The following ZNF808 variants were observed in gnomAD, a reference collection of about 807,000 sequenced individuals.
ZNF808 encodes the protein zinc finger protein 808.
ZNF808 carries 5 observed loss-of-function variants against 8.7 expected under a neutral mutation model. That is an observed-to-expected ratio of 0.58 (90% CI 0.30 to 1.21). ZNF808 has a LOEUF of 1.21. Among genes scored for constraint, ZNF808 ranks in the 50% most tolerant of loss-of-function variants. ZNF808 has a pLI of 0.07. For synonymous variants in ZNF808, 380 were observed against 366.0 expected (o/e 1.04, Z -0.44); for missense variants, 1,103 against 1,098.4 (o/e 1.00, Z -0.06).
chr19:52,557,636 T>C (rs2059842672), downstream of ZNF808, among the ~76,000 whole-genome samples: 1 of 152,246 alleles, frequency 6.6e-6, no homozygotes, highest in African/African-American at 2.4e-5. Flanking sequence ...TTTCACTGTT[T>C]TCAAGGTCAA....
intron 4 of ZNF808, among the ~76,000 whole-genome samples, chr19:52,552,056 C>T (rs538400646): frequency 8.6e-5 from 13 of 150,812 alleles, no homozygotes; most frequent in African/African-American, 1.9e-4. Context: ...CTCACTCTGT[C>T]GCCCAGGCTG....
chr19:52,535,569 C>G (rs1331020290), intron 2 of ZNF808, among the ~76,000 whole-genome samples: 1 of 152,292 alleles, frequency 6.6e-6, no homozygotes, highest in South Asian at 2.1e-4. Context: ...GGCCTGAGCA[C>G]TCCGTCCCGC....
downstream of ZNF808, chr19:52,556,880 C>T (rs1162289247): frequency 6.6e-6 from 1 of 152,228 alleles, no homozygotes; most frequent in African/African-American, 2.4e-5. Flanking sequence ...GTGTTTCTCT[C>T]AAGGCCCTCT....
At chr19:52,545,780 GA>G (rs369042987) in intron 3 of ZNF808, among the ~76,000 whole-genome samples, 27,234 of 144,678 alleles carry the variant, frequency 0.19, 3,171 homozygotes, top group Non-Finnish European at 0.26. Context: ...ACTCCATCTG[GA>G]AAAAAAAAAA....
intron 4 of ZNF808, among the ~76,000 whole-genome samples, chr19:52,551,064 A>T (rs562392080): frequency 2.0e-4 from 30 of 152,072 alleles, no homozygotes; most frequent in African/African-American, 7.2e-4. Flanking sequence ...CTACTAAATT[A>T]AAAAAAATTG....
At chr19:52,543,688 G>A (rs142340433) in intron 3 of ZNF808, among the ~76,000 whole-genome samples, 13 of 152,312 alleles carry the variant, frequency 8.5e-5, no homozygotes, top group African/African-American at 3.1e-4. Context: ...ACATCTGGAT[G>A]TCAGCTCAGA....
chr19:52,550,721 A>G (rs1021432111), intron 4 of ZNF808, among the ~76,000 whole-genome samples: 4 of 152,114 alleles, frequency 2.6e-5, no homozygotes, highest in African/African-American at 9.7e-5. Flanking sequence ...GGGTTTCTCC[A>G]TATTGGTCAG....
intron 2 of ZNF808, among the ~76,000 whole-genome samples, chr19:52,533,734 T>C (rs2059580365): frequency 1.3e-5 from 2 of 149,238 alleles, no homozygotes; most frequent in Non-Finnish European, 3.0e-5. Flanking sequence ...CACATGCCTG[T>C]AGTCCCAGCT....
At chr19:52,558,224 T>C (rs1389310294), downstream of ZNF808, among the ~76,000 whole-genome samples, 2 of 151,308 alleles carry the variant, frequency 1.3e-5, no homozygotes, top group Non-Finnish European at 1.5e-5. Context: ...TAGCTGGGAC[T>C]ACAGGCGCCC....
Position 52,553,145 on chromosome 19 carries a change from A to G in ZNF808, c.229A>G (p.Thr77Ala). 1 of 1,578,702 alleles carries G rather than the reference A, an allele frequency of 6.3e-7. No homozygotes were observed. The highest frequency in any genetic ancestry group is 8.6e-7 in the Non-Finnish European group (1 of 1,166,408). The change falls in exon 5 of 5, where the codon ACA becomes GCA. Residue 77 changes from threonine to alanine, a missense_variant. Thr to Ala is a moderately conservative substitution (Grantham distance 58, BLOSUM62 0). Coordinates refer to ENST00000359798, the MANE Select transcript of ZNF808 (RefSeq NM_001039886.4). Reference protein sequence around the residue: ...SKHMMKEVLSTGQGNREVIHT... With the variant: ...SKHMMKEVLSAGQGNREVIHT... ...ACACATGATGAAGGAGGTCTTGTCA[A>G]CAGGGCAAGGCAATAGAGAAGTGAT... is the stretch of plus-strand genomic sequence containing the variant.
In ZNF808 at chr19:52,553,238, A is replaced by G; in HGVS notation, c.322A>G (p.Lys108Glu). Residue 108 changes from lysine to glutamate, a missense_variant, in exon 5 of 5, where the codon AAA becomes GAA. By Grantham distance (56) the Lys-to-Glu change is moderately conservative. Transcript: ENST00000359798. ...IGDFCFQEIE[K>E]EIHNIEFQCQ... ...AGACTTTTGCTTCCAGGAAATTGAGAAAGAAATTCATAACATTGAGTTTCA... is the reference window on the plus strand; with the variant it reads ...AGACTTTTGCTTCCAGGAAATTGAGGAAGAAATTCATAACATTGAGTTTCA... The G allele has an allele frequency of 6.2e-7, 1 of 1,614,056 alleles. No individual in the cohort carries two copies. The highest frequency in any genetic ancestry group is 8.5e-7 in the Non-Finnish European group (1 of 1,180,008).
rs887182342 is a variant in ZNF808 at position 52,528,386 on chromosome 19, G to A, written c.-122+675G>A. Reference sequence around the variant, plus strand: ...GCGATTGTGTGGGCCGAAGGGATCAGGAGACAGACAGCAGTAGAAAACCTG... The same window carrying A: ...GCGATTGTGTGGGCCGAAGGGATCAAGAGACAGACAGCAGTAGAAAACCTG... On this transcript the variant is annotated intron_variant, in intron 1 of 4. Transcript: ENST00000359798. Among the ~76,000 whole-genome samples, 2 of 152,328 alleles carry A rather than the reference G, an allele frequency of 1.3e-5. 1 individual carries two copies. The highest frequency in any genetic ancestry group is 4.1e-4 in the South Asian group (2 of 4,832).
intron 2 of ZNF808, among the ~76,000 whole-genome samples, chr19:52,533,909 A>C (rs1443606175): frequency 6.7e-6 from 1 of 150,354 alleles, no homozygotes; most frequent in Non-Finnish European, 1.5e-5. Context: ...TCAGTAGGAA[A>C]TTAAGTAATT....
intron 2 of ZNF808, among the ~76,000 whole-genome samples, chr19:52,537,921 A>G (rs1426662566): frequency 6.6e-6 from 1 of 152,130 alleles, no homozygotes; most frequent in Non-Finnish European, 1.5e-5. Context: ...GAGGGCAGTG[A>G]CATTCAATTG....
At chr19:52,539,758 G>A (rs1285491068) in intron 2 of ZNF808, among the ~76,000 whole-genome samples, 1 of 151,390 alleles carries the variant, frequency 6.6e-6, no homozygotes, top group Non-Finnish European at 1.5e-5. Context: ...TCTCCATCTT[G>A]GTCAGGCTGG....
chr19:52,537,127 G>C (rs1051108068), intron 2 of ZNF808, among the ~76,000 whole-genome samples: 2 of 152,026 alleles, frequency 1.3e-5, no homozygotes, highest in Non-Finnish European at 2.9e-5. Flanking sequence ...CGGAGGTTGC[G>C]GTGAGCCGAG....
At chr19:52,559,637 T>C (rs1459263159), downstream of ZNF808, among the ~76,000 whole-genome samples, 1 of 152,140 alleles carries the variant, frequency 6.6e-6, no homozygotes, top group African/African-American at 2.4e-5. Context: ...TGCCCACAGG[T>C]GTGGAGGGGC....
chr19:52,560,340 TAAA>T (rs1312654198), downstream of ZNF808, among the ~76,000 whole-genome samples: 1 of 151,770 alleles, frequency 6.6e-6, no homozygotes, highest in Admixed American at 6.6e-5. Context: ...AAAAAAAAAT[TAAA>T]AAACGTCATA....
At chr19:52,536,869 A>G (rs1483598707) in intron 2 of ZNF808, among the ~76,000 whole-genome samples, 2 of 152,104 alleles carry the variant, frequency 1.3e-5, no homozygotes, top group Non-Finnish European at 2.9e-5. Context: ...GACGATCAAA[A>G]GATTGGGGAG....
Sources: gnomAD v4.1 joint callset for allele counts (sites outside exome capture counted in the v4.1 genomes callset) on GRCh38, gnomAD v4.1.1 for gene constraint, MANE v1.5 for transcripts, NCBI Gene and HGNC (gene_info 2026-07-23, HGNC 2026-07-21) for gene names.